The following AIFM3 variants were observed in gnomAD, a reference collection of about 807,000 sequenced individuals.
AIFM3 encodes the protein AIF family member 3.
AIFM3 carries 71 observed loss-of-function variants against 82.7 expected under a neutral mutation model. The ratio of observed to expected loss-of-function variants is 0.86; its 90% CI spans 0.71 to 1.05. The LOEUF (loss-of-function observed/expected upper bound fraction) is 1.05, where lower values mean the gene tolerates loss of function less well. Ranked by LOEUF, AIFM3 falls within the 50% of genes least tolerant of loss-of-function variation. The pLI is 0.00. For missense variants in AIFM3, 748 were observed against 816.7 expected (o/e 0.92, Z 1.03); for synonymous variants, 337 against 329.1 (o/e 1.02, Z -0.26).
chr22:20,965,547 G>T (rs1487202103), upstream of AIFM3: 1 of 152,524 alleles, frequency 6.6e-6, no homozygotes, highest in East Asian at 1.9e-4. Flanking sequence ...GGAACTGCAC[G>T]TGCAGAGGCG....
chr22:20,980,047 C>T lies in AIFM3; in HGVS notation c.1680C>T (p.Ser560=). The part of the protein sequence containing the change: ...TKGDEVIAVA[S]MNYDPIVSKV... ...GCGACGAGGTGATCGCCGTGGCCAG[C>T]ATGAACTACGATCCCATTGTGTCCA... is the stretch of plus-strand genomic sequence containing the variant. The change falls in exon 19 of 21, where the codon AGC becomes AGT. Residue 560 remains serine (S), a synonymous_variant. Coordinates refer to ENST00000440238, the MANE Select transcript of AIFM3 (RefSeq NM_001386814.1). 1 of 1,611,450 alleles carries T rather than the reference C, an allele frequency of 6.2e-7. No homozygotes were observed.
intron 9 of AIFM3, 42 bp from the exon 10 acceptor site, chr22:20,976,173 G>T (rs1329442325): frequency 7.1e-7 from 1 of 1,413,268 alleles, no homozygotes; most frequent in Non-Finnish European, 9.3e-7. Context: ...GCGAGGCCCA[G>T]CCCCATGCCC....
At position 20,981,001 on chromosome 22, in the gene AIFM3, C is replaced by T; in HGVS notation, c.1788C>T (p.Asp596=). The change falls in exon 21 of 21, where the codon GAC becomes GAT. Residue 596 remains aspartate, a synonymous_variant. Transcript: ENST00000440238. ...ELFVLHSKTG[D]MSWLTGKGS is the part of the protein sequence containing the mutation. ...CCCCTCACTCCTGCAGGACTGGCGA[C>T]ATGTCCTGGCTTACGGGGAAAGGAT... 6.2e-7 allele frequency: 1 copy of T among 1,614,220 alleles called. No homozygotes were observed. Among genetic ancestry groups the T allele is most frequent in the Non-Finnish European group, 8.5e-7 (1 of 1,180,042 alleles).
Position 20,977,869 on chromosome 22 carries a change from C to G in AIFM3, c.1360-19C>G. ...GGGCCCCTGTCACACCCATGGAGCT[C>G]TGGGCCCTCTCTCTACAGATGATGC... On this transcript the variant is annotated intron_variant, in intron 15 of 20. Transcript: ENST00000440238. 6.2e-7 allele frequency: 1 copy of G among 1,614,092 alleles called. No homozygotes were observed. The highest frequency in any genetic ancestry group is 2.2e-5 in the East Asian group (1 of 44,882).
intron 17 of AIFM3, 102 bp downstream of exon 17, chr22:20,979,471 C>A: frequency 6.8e-7 from 1 of 1,475,144 alleles, no homozygotes; most frequent in Non-Finnish European, 9.3e-7. Flanking sequence ...TATGACCGCA[C>A]TAGGAAGAGG....
chr22:20,970,728 T>C, intron 2 of AIFM3, among the ~76,000 whole-genome samples: 1 of 152,242 alleles, frequency 6.6e-6, no homozygotes, highest in East Asian at 1.9e-4. Flanking sequence ...CTCAAAGTGC[T>C]GGGATTACAG....
rs150801089 is a variant in AIFM3 at position 20,976,461 on chromosome 22, G to A, written c.953G>A (p.Arg318Gln). ...GAAGTGGAGAACGTGTTCACTATCC[G>A]GACGCCAGAGGATGCCAATCGCGTG... The part of the protein sequence containing the change: ...GKEVENVFTI[R>Q]TPEDANRVVR... The change falls in exon 11 of 21, where the codon CGG becomes CAG. Residue 318 changes from arginine to glutamine, a missense_variant. Physicochemically the swap from Arg to Gln is conservative, Grantham distance 43 (BLOSUM62 1). This residue lies in a region of AIFM3 where 393 missense variants were observed against 481.1 expected (regional missense o/e 0.82). Coordinates refer to ENST00000440238, the MANE Select transcript of AIFM3 (RefSeq NM_001386814.1). 46 of 1,614,064 alleles carry A rather than the reference G, an allele frequency of 2.8e-5. No individual in the cohort carries two copies. Among genetic ancestry groups the A allele is most frequent in the African/African-American group, 1.2e-4 (9 of 75,054 alleles).
intron 19 of AIFM3, 48 bp from the exon 20 acceptor site, chr22:20,980,699 G>T (rs373618679): frequency 6.2e-7 from 1 of 1,613,586 alleles, no homozygotes; most frequent in Non-Finnish European, 8.5e-7. Flanking sequence ...TAAATGACAT[G>T]CTCTCTCCTT....
intron 2 of AIFM3, among the ~76,000 whole-genome samples, chr22:20,971,967 G>GT (rs1923292444): frequency 5.6e-5 from 2 of 35,534 alleles, no homozygotes. Flanking sequence ...TGGAGGCTGT[G>GT]GGGGGGGGGG....
intron 6 of AIFM3, 26 bp from the exon 7 acceptor site, chr22:20,974,499 A>T (rs373567342): frequency 6.9e-5 from 110 of 1,598,958 alleles, no homozygotes; most frequent in Non-Finnish European, 9.0e-5. Context: ...GATGGCAGTG[A>T]CCCTCCACCC....
At chr22:20,977,449 A>G (rs1601708254) in intron 14 of AIFM3, 2 of 605,028 alleles carry the variant, frequency 3.3e-6, no homozygotes. Context: ...CTGAGGAGGT[A>G]TGGCATGCTG....
intron 8 of AIFM3, 86 bp from the exon 9 acceptor site, chr22:20,975,606 A>G (rs1167352021): frequency 2.2e-5 from 29 of 1,321,684 alleles, no homozygotes; most frequent in East Asian, 4.6e-5. Context: ...TGCAGCCCCT[A>G]TGTGACTGGG....
rs202122018 is a variant in AIFM3, at chr22:20,974,763, G to A, written c.667G>A (p.Val223Ile). The A allele has an allele frequency of 3.2e-5, 51 of 1,613,618 alleles. No homozygotes were observed. Among genetic ancestry groups the A allele is most frequent in the South Asian group, 2.6e-4 (24 of 91,058 alleles). ...LRQEGFSDRI[V>I]LCTLDRHLPY... is the part of the protein sequence containing the mutation. ...GCAGGAGGGCTTCTCCGACCGGATC[G>A]TCCTGTGCACGCTAGACCGGCACCT... Residue 223 changes from valine to isoleucine, a missense_variant, in exon 8 of 21, where the codon GTC becomes ATC. Physicochemically the swap from Val to Ile is conservative, Grantham distance 29. Coordinates refer to ENST00000440238, the MANE Select transcript of AIFM3 (RefSeq NM_001386814.1).
At position 20,976,749 on chromosome 22, in the gene AIFM3, G is replaced by A. The variant is rs769577965; in HGVS notation, c.1129G>A (p.Gly377Ser). The stretch of plus-strand genomic sequence containing the variant: ...CAGGAGGTTCCTGGGGGAGCGCGTG[G>A]GTCGTGCCCTCATGAAGGTGAGCCC... ...PFRRFLGERV[G>S]RALMKMFENN... is the part of the protein sequence containing the mutation. Residue 377 changes from glycine (G) to serine (S), a missense_variant, in exon 12 of 21, where the codon GGT (glycine) becomes AGT (serine). Around this residue, in one of 5 missense-constraint regions of AIFM3, gnomAD observed 393 missense variants for 481.1 expected, o/e 0.82. Transcript: ENST00000440238. 1.2e-6 allele frequency: 2 copies of A among 1,611,630 alleles called. No individual in the cohort carries two copies. The highest frequency in any genetic ancestry group is 1.7e-6 in the Non-Finnish European group (2 of 1,178,942).
At position 20,980,999 on chromosome 22, in the gene AIFM3, G is replaced by A. The variant is rs774483526; in HGVS notation, c.1786G>A (p.Asp596Asn). 18 of 1,614,028 alleles carry A rather than the reference G, an allele frequency of 1.1e-5. No homozygotes were observed. Among genetic ancestry groups the A allele is most frequent in the Admixed American group, 1.7e-5 (1 of 59,996 alleles). ...ELFVLHSKTG[D>N]MSWLTGKGS is the part of the protein sequence containing the mutation. ...CTCCCCTCACTCCTGCAGGACTGGCGACATGTCCTGGCTTACGGGGAAAGG... is the reference window on the plus strand; with the variant it reads ...CTCCCCTCACTCCTGCAGGACTGGCAACATGTCCTGGCTTACGGGGAAAGG... The change falls in exon 21 of 21, where the codon GAC becomes AAC. Residue 596 changes from aspartate (D) to asparagine (N), a missense_variant. Physicochemically the swap from Asp to Asn is conservative, Grantham distance 23. Coordinates refer to ENST00000440238, the MANE Select transcript of AIFM3 (RefSeq NM_001386814.1).
chr22:20,973,984 G>A, intron 4 of AIFM3, 79 bp from the exon 5 acceptor site: 1 of 1,501,232 alleles, frequency 6.7e-7, no homozygotes, highest in African/African-American at 1.4e-5. Flanking sequence ...GTGGGGAGGG[G>A]CCCGCAGTTG....
In AIFM3 at chr22:20,974,311, C is replaced by T. The variant is rs756156617; in HGVS notation, c.510+15C>T. On this transcript the variant is annotated intron_variant, in intron 6 of 20. Transcript: ENST00000440238. The stretch of plus-strand genomic sequence containing the variant: ...CCAGCAAGCAGGTGAGGGGATAGCT[C>T]GGGGCTCAGGCAGAAGGGAGGAGCC... 136 of 1,612,462 alleles carry T rather than the reference C, an allele frequency of 8.4e-5. No individual in the cohort carries two copies. The highest frequency in any genetic ancestry group is 1.0e-4 in the Non-Finnish European group (119 of 1,179,640).
At position 20,974,761 on chromosome 22, in the gene AIFM3, T is replaced by A. The variant is rs1923521973; in HGVS notation, c.665T>A (p.Ile222Asn). Residue 222 changes from isoleucine (I) to asparagine (N), a missense_variant, in exon 8 of 21, where the codon ATC becomes AAC. Coordinates refer to ENST00000440238, the MANE Select transcript of AIFM3 (RefSeq NM_001386814.1). ...TLRQEGFSDR[I>N]VLCTLDRHLP... is the part of the protein sequence containing the mutation. Reference sequence around the variant, plus strand: ...CGGCAGGAGGGCTTCTCCGACCGGATCGTCCTGTGCACGCTAGACCGGCAC... The same window carrying A: ...CGGCAGGAGGGCTTCTCCGACCGGAACGTCCTGTGCACGCTAGACCGGCAC... 6.2e-7 allele frequency: 1 copy of A among 1,613,650 alleles called. No individual in the cohort carries two copies. The highest frequency in any genetic ancestry group is 2.2e-5 in the East Asian group (1 of 44,876).
chr22:20,980,031 T>C lies in AIFM3; in HGVS notation c.1664T>C (p.Val555Ala). Residue 555 changes from valine (V) to alanine (A), a missense_variant, in exon 19 of 21, where the codon GTG (valine) becomes GCG (alanine). By Grantham distance (64) the Val-to-Ala change is moderately conservative. Coordinates refer to ENST00000440238, the MANE Select transcript of AIFM3 (RefSeq NM_001386814.1). The part of the protein sequence containing the change: ...FVAFYTKGDE[V>A]IAVASMNYDP... The stretch of plus-strand genomic sequence containing the variant: ...TCCTCTCCTTGCAGAGGCGACGAGG[T>C]GATCGCCGTGGCCAGCATGAACTAC... 2 of 1,610,672 alleles carry C rather than the reference T, an allele frequency of 1.2e-6. No homozygotes were observed. The highest frequency in any genetic ancestry group is 1.3e-5 in the African/African-American group (1 of 75,032).
Sources: gnomAD v4.1 joint callset for allele counts (sites outside exome capture counted in the v4.1 genomes callset) on GRCh38, gnomAD v4.1.1 for gene constraint, gnomAD v4.1.1 regional missense constraint, MANE v1.5 for transcripts, NCBI Gene and HGNC (gene_info 2026-07-23, HGNC 2026-07-21) for gene names.